The following GABRB1 variants were observed in gnomAD, a reference collection of about 807,000 sequenced individuals.
The protein encoded by GABRB1 is gamma-aminobutyric acid receptor subunit beta-1.
GABRB1 carries 17 observed loss-of-function variants against 51.6 expected under a neutral mutation model. That is an observed-to-expected ratio of 0.33 (90% CI 0.23 to 0.49). The LOEUF is 0.49. GABRB1 is among the 20% of genes least tolerant of loss of function. The pLI is 0.99. For synonymous variants in GABRB1, 247 were observed against 218.9 expected (o/e 1.13, Z -1.14); for missense variants, 410 against 600.6 (o/e 0.68, Z 3.32).
At chr4:47,348,695 A>G (rs1291208801) in intron 5 of GABRB1, among the ~76,000 whole-genome samples, 1 of 152,212 alleles carries the variant, frequency 6.6e-6, no homozygotes, top group Non-Finnish European at 1.5e-5. Context: ...TTATCCTAGA[A>G]TAGTGGAGCA....
At chr4:47,213,162 C>T (rs1720430116) in intron 4 of GABRB1, among the ~76,000 whole-genome samples, 1 of 152,286 alleles carries the variant, frequency 6.6e-6, no homozygotes, top group African/African-American at 2.4e-5. Context: ...CTTACATTTT[C>T]CTGCATAGCC....
chr4:47,014,228 T>C (rs1361220754), intron 1 of GABRB1, among the ~76,000 whole-genome samples: 1 of 152,182 alleles, frequency 6.6e-6, no homozygotes, highest in East Asian at 1.9e-4. Flanking sequence ...TTCTGCACTT[T>C]TACAATTTCC....
At chr4:47,258,692 T>C (rs1271114855) in intron 4 of GABRB1, among the ~76,000 whole-genome samples, 2 of 152,202 alleles carry the variant, frequency 1.3e-5, no homozygotes, top group African/African-American at 4.8e-5. Context: ...CAATATTCAG[T>C]ATATTTTGTT....
At chr4:47,415,389 G>A (rs1728879042) in intron 8 of GABRB1, among the ~76,000 whole-genome samples, 1 of 151,832 alleles carries the variant, frequency 6.6e-6, no homozygotes, top group Non-Finnish European at 1.5e-5. Context: ...CCCTCATGGT[G>A]GTCCCAAAGT....
intron 3 of GABRB1, among the ~76,000 whole-genome samples, chr4:47,130,900 G>A (rs1032125716): frequency 6.6e-6 from 1 of 152,156 alleles, no homozygotes; most frequent in African/African-American, 2.4e-5. Context: ...TACAAAGAAA[G>A]TTATTAATGT....
At chr4:47,053,819 C>T (rs146738467) in intron 3 of GABRB1, among the ~76,000 whole-genome samples, 29 of 152,202 alleles carry the variant, frequency 1.9e-4, no homozygotes, top group African/African-American at 5.3e-4. Context: ...TCACAGTATC[C>T]GCCTATTACC....
chr4:47,410,921 T>A (rs17462190), intron 8 of GABRB1, among the ~76,000 whole-genome samples: 5,836 of 152,292 alleles, frequency 0.038, 148 homozygotes, highest in Non-Finnish European at 0.061. Context: ...CTCACCCTAA[T>A]GACACATAAA....
chr4:47,150,205 A>G (rs928448330), intron 3 of GABRB1, among the ~76,000 whole-genome samples: 27 of 149,060 alleles, frequency 1.8e-4, no homozygotes, highest in African/African-American at 5.6e-4. Context: ...ACACACACAC[A>G]CACACACACA....
At chr4:47,354,155 C>T (rs1224593712) in intron 5 of GABRB1, among the ~76,000 whole-genome samples, 1 of 152,176 alleles carries the variant, frequency 6.6e-6, no homozygotes, top group Non-Finnish European at 1.5e-5. Flanking sequence ...GGGAGAAATA[C>T]GTAGCACAGG....
chr4:47,354,284 T>C (rs1726471514), intron 5 of GABRB1, among the ~76,000 whole-genome samples: 1 of 148,706 alleles, frequency 6.7e-6, no homozygotes, highest in South Asian at 2.1e-4. Flanking sequence ...AATTTTTTAT[T>C]ATACTTATAT....
At chr4:47,133,450 A>G (rs1013004627) in intron 3 of GABRB1, among the ~76,000 whole-genome samples, 1 of 152,240 alleles carries the variant, frequency 6.6e-6, no homozygotes, top group African/African-American at 2.4e-5. Flanking sequence ...TTTCTTCAAT[A>G]TAGTGGCTTC....
At chr4:47,402,941 T>C (rs1014474366) in intron 5 of GABRB1, among the ~76,000 whole-genome samples, 1 of 152,212 alleles carries the variant, frequency 6.6e-6, no homozygotes, top group African/African-American at 2.4e-5. Flanking sequence ...TCAATTATTA[T>C]TACTTGTTGT....
At chr4:47,178,588 G>T (rs1695668230) in intron 4 of GABRB1, among the ~76,000 whole-genome samples, 1 of 152,064 alleles carries the variant, frequency 6.6e-6, no homozygotes, top group Non-Finnish European at 1.5e-5. Context: ...GGTCTTTTGT[G>T]TCACAGGATA....
chr4:47,362,192 G>A (rs1009499497), intron 5 of GABRB1, among the ~76,000 whole-genome samples: 1 of 152,018 alleles, frequency 6.6e-6, no homozygotes, highest in South Asian at 2.1e-4. Flanking sequence ...GCTGCTGACT[G>A]GTCAAAGAAA....
At chr4:47,075,849 C>T (rs2109554742) in intron 3 of GABRB1, among the ~76,000 whole-genome samples, 1 of 152,162 alleles carries the variant, frequency 6.6e-6, no homozygotes, top group Admixed American at 6.5e-5. Flanking sequence ...TTGCTATCTC[C>T]TTTTTCAAAA....
chr4:47,320,870 C>T lies in GABRB1; in HGVS notation c.544+661C>T, dbSNP rs546058009. ...CCGCAATCTCCGCCTCCCGGGTTCA[C>T]GCCATTCTCCTGCCTCAGCCTCCAG... is the stretch of plus-strand genomic sequence containing the variant. On this transcript the variant is annotated intron_variant, in intron 5 of 8. Coordinates refer to ENST00000295454, the MANE Select transcript of GABRB1 (RefSeq NM_000812.4). Among the ~76,000 whole-genome samples the T allele has an allele frequency of 2.0e-5, 3 of 151,494 alleles. No individual in the cohort carries two copies. In the South Asian group the frequency reaches 6.2e-4, roughly 32 times the overall value.
intron 4 of GABRB1, among the ~76,000 whole-genome samples, chr4:47,203,462 C>A (rs960311293): frequency 1.3e-5 from 2 of 152,096 alleles, no homozygotes; most frequent in Admixed American, 6.6e-5. Flanking sequence ...AAATTCACTT[C>A]TTTGCTGAAT....
At chr4:47,334,177 C>T (rs906965919) in intron 5 of GABRB1, among the ~76,000 whole-genome samples, 1 of 152,136 alleles carries the variant, frequency 6.6e-6, no homozygotes, top group African/African-American at 2.4e-5. Context: ...GATACTAATG[C>T]TGTTGGTTGA....
At position 47,224,988 on chromosome 4, in the gene GABRB1, G is replaced by A. The variant is rs11941884; in HGVS notation, c.461+63519G>A. Reference sequence around the variant, plus strand: ...CAGCTCACAGCAACCTCCACCTCTCGGATTCAAGCAATTCTCCTGCCTCAG... The same window carrying A: ...CAGCTCACAGCAACCTCCACCTCTCAGATTCAAGCAATTCTCCTGCCTCAG... On this transcript the variant is annotated intron_variant, in intron 4 of 8. Transcript: ENST00000295454. Among the ~76,000 whole-genome samples the A allele has an allele frequency of 7.5e-3, 1,145 of 152,048 alleles. 9 individuals carry two copies. The highest frequency in any genetic ancestry group is 0.026 in the African/African-American group (1,063 of 41,494).
Sources: gnomAD v4.1 joint callset for allele counts (sites outside exome capture counted in the v4.1 genomes callset) on GRCh38, gnomAD v4.1.1 for gene constraint, MANE v1.5 for transcripts, NCBI Gene and HGNC (gene_info 2026-07-23, HGNC 2026-07-21) for gene names.